FBXW11: variants seen among roughly 807,000 people sequenced by gnomAD.
FBXW11 encodes the protein F-box/WD repeat-containing protein 11.
In FBXW11, 19 loss-of-function variants were observed where a neutral mutation model predicts 77.6. The ratio of observed to expected loss-of-function variants is 0.24; its 90% CI spans 0.17 to 0.36. The LOEUF (loss-of-function observed/expected upper bound fraction) is 0.36, where lower values mean the gene tolerates loss of function less well. FBXW11 is among the 10% of genes least tolerant of loss of function. FBXW11 has a pLI of 1.00. For synonymous variants in FBXW11, 235 were observed against 249.4 expected (o/e 0.94, Z 0.54); for missense variants, 334 against 704.2 (o/e 0.47, Z 5.95).
rs974685829 is a variant in FBXW11, at chr5:171,876,394, G to A, written c.1112C>T (p.Ala371Val). The change falls in exon 9 of 14, where the codon GCG becomes GTG. Residue 371 changes from alanine (A) to valine (V), a missense_variant. Physicochemically the swap from Ala to Val is moderately conservative, Grantham distance 64. This residue lies in a region of FBXW11 where 50 missense variants were observed against 119.6 expected (regional missense o/e 0.42). Coordinates refer to ENST00000517395, the MANE Select transcript of FBXW11 (RefSeq NM_001378974.1). The surrounding 1 kb of genome is among the most constrained non-coding windows in gnomAD (Gnocchi z 4.2). ...RSIAVWDMAS[A>V]TDITLRRVLV... ...GACACGGCGTAAAGTGATGTCGGTC[G>A]CAGAAGCCATGTCCCACACAGCAAT... is the stretch of plus-strand genomic sequence containing the variant. 1.2e-6 allele frequency: 2 copies of A among 1,614,066 alleles called. No individual in the cohort carries two copies. Among genetic ancestry groups the A allele is most frequent in the Non-Finnish European group, 8.5e-7 (1 of 1,179,972 alleles).
chr5:171,878,339 T>C (rs1758241766), intron 7 of FBXW11, among the ~76,000 whole-genome samples: 1 of 152,200 alleles, frequency 6.6e-6, no homozygotes, highest in Admixed American at 6.5e-5. Flanking sequence ...TTTGCTTAAT[T>C]TGAACCCTTA....
At chr5:171,988,886 T>G (rs950723742) in intron 1 of FBXW11, among the ~76,000 whole-genome samples, 3 of 146,430 alleles carry the variant, frequency 2.0e-5, no homozygotes, top group Non-Finnish European at 4.5e-5. Context: ...ACATTCATAC[T>G]ACAATTTTGG....
intron 9 of FBXW11, among the ~76,000 whole-genome samples, chr5:171,873,455 G>C (rs1354062167): frequency 2.7e-4 from 41 of 152,128 alleles, no homozygotes; most frequent in Admixed American, 2.7e-3. Flanking sequence ...GACCAGCCTG[G>C]GCAAAATAGT....
Position 171,950,554 on chromosome 5 carries a change from G to A in FBXW11, c.147+7043C>T, listed in dbSNP as rs536200069. Among the ~76,000 whole-genome samples, 30 of 152,184 alleles carry A rather than the reference G, an allele frequency of 2.0e-4. No homozygotes were observed. The South Asian group carries it at 4.8e-3, about 24-fold the overall frequency. On this transcript the variant is annotated intron_variant, in intron 2 of 13. Transcript: ENST00000517395. ...ATAAATAAAGCAAATAAGTGACCCCGTATTGTGATTTTTCTAGGGTGAGCC... is the reference window on the plus strand; with the variant it reads ...ATAAATAAAGCAAATAAGTGACCCCATATTGTGATTTTTCTAGGGTGAGCC...
At chr5:171,914,516 G>A in intron 2 of FBXW11, 111 bp from the exon 3 acceptor site, 1 of 852,670 alleles carries the variant, frequency 1.2e-6, no homozygotes, top group Non-Finnish European at 1.7e-6. Flanking sequence ...ACAAACCCAA[G>A]AACTATTTGG....
At chr5:171,967,839 C>CA (rs1264192715) in intron 1 of FBXW11, among the ~76,000 whole-genome samples, 7,972 of 98,886 alleles carry the variant, frequency 0.081, 990 homozygotes, top group African/African-American at 0.3. Context: ...GACTCTGTCT[C>CA]AAAAAAAAAA....
intron 1 of FBXW11, among the ~76,000 whole-genome samples, chr5:171,985,277 C>A (rs9313568): frequency 0.86 from 130,765 of 151,998 alleles, 57,582 homozygotes; most frequent in East Asian, 1. Flanking sequence ...TTCACAGTCA[C>A]CTCCCTTCTC....
intron 2 of FBXW11, among the ~76,000 whole-genome samples, chr5:171,938,692 A>C (rs969468648): frequency 6.6e-6 from 1 of 152,206 alleles, no homozygotes; most frequent in Non-Finnish European, 1.5e-5. Flanking sequence ...CAATATGAAA[A>C]TACATATATA....
In FBXW11 at chr5:171,891,517, G is replaced by C; in HGVS notation, c.802C>G (p.Gln268Glu). Residue 268 changes from glutamine (Q) to glutamate (E), a missense_variant, in exon 7 of 14, where the codon CAG (glutamine) becomes GAG (glutamate). By Grantham distance (29) the Gln-to-Glu change is conservative. Transcript: ENST00000517395. ...CTGATAATTTTTTCATCATCGTACT[G>C]TAAACAGTAGACACCTTTACTATTT... is the stretch of plus-strand genomic sequence containing the variant. ...SENSKGVYCL[Q>E]YDDEKIISGL... 5 of 1,609,534 alleles carry C rather than the reference G, an allele frequency of 3.1e-6. No homozygotes were observed. The highest frequency in any genetic ancestry group is 4.2e-6 in the Non-Finnish European group (5 of 1,178,450).
At chr5:171,877,867 G>C in intron 8 of FBXW11, 144 bp downstream of exon 8, 1 of 665,534 alleles carries the variant, frequency 1.5e-6, no homozygotes, top group Non-Finnish European at 2.6e-6. Context: ...CCTAATTTGC[G>C]CAAACATGTC....
rs765379803 is a variant in FBXW11, at chr5:171,878,070, G to A, written c.912C>T (p.Val304=). The stretch of plus-strand genomic sequence containing the variant: ...CACGCTCATCATACTGCAGACAGAG[G>A]ACAGAGCCTGTGTGTCCTGTTAACA... The part of the protein sequence containing the change: ...LKVLTGHTGS[V]LCLQYDERVI... The change falls in exon 8 of 14, where the codon GTC becomes GTT. Residue 304 remains valine, a synonymous_variant. Transcript: ENST00000517395. 73 of 1,614,000 alleles carry A rather than the reference G, an allele frequency of 4.5e-5. No individual in the cohort carries two copies. Among genetic ancestry groups the A allele is most frequent in the Non-Finnish European group, 5.9e-5 (70 of 1,179,976 alleles).
At chr5:171,994,425 C>T (rs763273366) in intron 1 of FBXW11, among the ~76,000 whole-genome samples, 10 of 152,136 alleles carry the variant, frequency 6.6e-5, no homozygotes, top group African/African-American at 1.2e-4. Context: ...AAATCCAAAA[C>T]GTTTTGAGTG....
chr5:171,941,353 T>G (rs1274782181), intron 2 of FBXW11, among the ~76,000 whole-genome samples: 1 of 152,060 alleles, frequency 6.6e-6, no homozygotes, highest in African/African-American at 2.4e-5. Context: ...TTCAGAAGTG[T>G]CAAGGTCGTG....
intron 13 of FBXW11, chr5:171,868,164 G>T (rs1249471355): frequency 6.6e-6 from 1 of 152,010 alleles, no homozygotes; most frequent in Non-Finnish European, 1.5e-5. Flanking sequence ...AGGAAAGGAT[G>T]GTGGTGGGTG....
chr5:171,923,496 C>T (rs1761709796), intron 2 of FBXW11, among the ~76,000 whole-genome samples: 1 of 152,116 alleles, frequency 6.6e-6, no homozygotes, highest in Non-Finnish European at 1.5e-5. Context: ...TTCTTCCACA[C>T]CTAGGTTTTA....
At chr5:171,886,068 C>T (rs536708406) in intron 7 of FBXW11, among the ~76,000 whole-genome samples, 2 of 152,284 alleles carry the variant, frequency 1.3e-5, no homozygotes, top group East Asian at 3.9e-4. Flanking sequence ...AAATGAATTC[C>T]AAGCCCACAG....
intron 12 of FBXW11, among the ~76,000 whole-genome samples, 187 bp from the exon 13 acceptor site, chr5:171,868,983 T>C (rs1001499393): frequency 1.3e-5 from 2 of 152,216 alleles, no homozygotes; most frequent in Non-Finnish European, 2.9e-5. Context: ...CTGCTAGGCC[T>C]TTTCTTTCAT....
intron 2 of FBXW11, among the ~76,000 whole-genome samples, chr5:171,938,688 GA>G (rs1762598942): frequency 6.6e-6 from 1 of 152,162 alleles, no homozygotes; most frequent in Non-Finnish European, 1.5e-5. Context: ...GTAACAATAT[GA>G]AAATACATAT....
chr5:171,897,025 A>C (rs1379586359), intron 6 of FBXW11, among the ~76,000 whole-genome samples: 1 of 152,206 alleles, frequency 6.6e-6, no homozygotes, highest in African/African-American at 2.4e-5. Context: ...TCTATTGTTA[A>C]AAACTCGTAT....
Sources: gnomAD v4.1 joint callset for allele counts (sites outside exome capture counted in the v4.1 genomes callset) on GRCh38, gnomAD v4.1.1 for gene constraint, gnomAD v4.1.1 regional missense constraint, Gnocchi (gnomAD v3.1) non-coding constraint, MANE v1.5 for transcripts, NCBI Gene and HGNC (gene_info 2026-07-23, HGNC 2026-07-21) for gene names.